The following ADGRG4 variants were observed in gnomAD, a reference collection of about 807,000 sequenced individuals.
ADGRG4 encodes adhesion G protein-coupled receptor G4, also known as G protein-coupled receptor 112.
Under a neutral mutation model 126.2 loss-of-function variants are expected in ADGRG4, and 122 were observed. The ratio of observed to expected loss-of-function variants is 0.97; its 90% CI spans 0.83 to 1.12. The LOEUF (loss-of-function observed/expected upper bound fraction) is 1.12. Among genes scored for constraint, ADGRG4 ranks in the 50% most tolerant of loss-of-function variants. The probability of loss-of-function intolerance (pLI) is 0.00; values close to 1 mark genes in which losing one functional copy is unlikely to be tolerated. For synonymous variants in ADGRG4, 943 were observed against 838.7 expected, an observed-to-expected ratio of 1.12 and a Z score of -2.15; for missense variants, 2,481 against 2,251.8, an observed-to-expected ratio of 1.10 and a Z score of -2.06.
rs370724381 is a variant in ADGRG4, at chrX:136,349,374, G to A, written c.5668G>A (p.Gly1890Ser). 4.4e-5 allele frequency: 53 copies of A among 1,203,655 alleles called. No individual in the cohort carries two copies. The highest frequency in any genetic ancestry group is 5.8e-5 in the Non-Finnish European group (52 of 889,996). ...TTCCTGGAACATACCCACAGCTGAA[G>A]GTTCTCAGTTTCCAATTTCCACCAC... ...MTSWNIPTAE[G>S]SQFPISTTIN... The change falls in exon 6 of 26, where the codon GGT (glycine) becomes AGT (serine). Residue 1890 changes from glycine (G) to serine (S), a missense_variant. Transcript: ENST00000394143.
chrX:136,402,689 A>T (rs2075385597), intron 21 of ADGRG4, among the ~76,000 whole-genome samples: 1 of 111,326 alleles, frequency 9.0e-6, no homozygotes, highest in African/African-American at 3.3e-5. Flanking sequence ...GACCATTTTG[A>T]CTGAACTGAT....
chrX:136,369,519 G>A (rs915879876), intron 13 of ADGRG4, among the ~76,000 whole-genome samples: 5 of 111,867 alleles, frequency 4.5e-5, no homozygotes, highest in African/African-American at 1.3e-4. Context: ...TCTCCCATTG[G>A]CCTGCTGTTT....
intron 5 of ADGRG4, among the ~76,000 whole-genome samples, chrX:136,329,426 G>A (rs2074894833): frequency 8.9e-6 from 1 of 111,768 alleles, no homozygotes; most frequent in East Asian, 2.8e-4. Context: ...AGAGCAAATG[G>A]CAATTAAGCC....
intron 5 of ADGRG4, among the ~76,000 whole-genome samples, chrX:136,334,074 CTCTTTCTTTCTTTCTT>C (rs201233200): frequency 0.051 from 4,515 of 88,860 alleles, 137 homozygotes; most frequent in African/African-American, 0.063. Context: ...GAGGTTCTCT[CTCTTTCTTTCTTTCTT>C]TCTTTCTTTC....
intron 23 of ADGRG4, among the ~76,000 whole-genome samples, chrX:136,411,130 C>T (rs1192624991): frequency 2.7e-5 from 3 of 111,225 alleles, no homozygotes; most frequent in African/African-American, 6.6e-5. Flanking sequence ...GATTCTGACT[C>T]ACTGCAACCT....
At chrX:136,353,857 G>T (rs2075077663) in intron 8 of ADGRG4, among the ~76,000 whole-genome samples, 1 of 112,046 alleles carries the variant, frequency 8.9e-6, no homozygotes, top group African/African-American at 3.2e-5. Context: ...TTTGCTTGGG[G>T]CACAAATTTC....
In ADGRG4 at chrX:136,345,202, A is replaced by G; in HGVS notation, c.1496A>G (p.Lys499Arg). The change falls in exon 6 of 26, where the codon AAA (lysine) becomes AGA (arginine). Residue 499 changes from lysine (K) to arginine (R), a missense_variant. Coordinates refer to ENST00000394143, the MANE Select transcript of ADGRG4 (RefSeq NM_153834.4). ...TAFPLATTDM[K>R]IAFTVHSLTL... is the part of the protein sequence containing the mutation. ...TTTCCATTGGCAACAACTGATATGA[A>G]AATAGCATTTACAGTCCATTCATTG... The G allele has an allele frequency of 3.3e-6, 4 of 1,210,616 alleles. No homozygotes were observed. The highest frequency in any genetic ancestry group is 4.5e-6 in the Non-Finnish European group (4 of 894,482).
At chrX:136,376,555 T>C (rs1265213442) in intron 15 of ADGRG4, among the ~76,000 whole-genome samples, 1 of 112,002 alleles carries the variant, frequency 8.9e-6, no homozygotes, top group African/African-American at 3.2e-5. Flanking sequence ...GTGTCATCTA[T>C]GATTTCTTTC....
intron 13 of ADGRG4, among the ~76,000 whole-genome samples, chrX:136,370,921 G>A (rs2075188921): frequency 9.0e-6 from 1 of 110,639 alleles, no homozygotes; most frequent in African/African-American, 3.3e-5. Context: ...GATGGTTCTT[G>A]ACAGGAAAAT....
At position 136,369,022 on chromosome X, in the gene ADGRG4, T is replaced by C. The variant is rs777955050; in HGVS notation, c.7397-2306T>C. On this transcript the variant is annotated intron_variant, in intron 13 of 25. Transcript: ENST00000394143. ...ACAGCCAACAGCTTCAACTGACCAG[T>C]CAGCATCAATTGCCTGCCATGTGAG... Among the ~76,000 whole-genome samples, 13 of 111,685 alleles carry C rather than the reference T, an allele frequency of 1.2e-4. No individual in the cohort carries two copies. The South Asian group carries it at 4.9e-3, about 42-fold the overall frequency.
intron 5 of ADGRG4, 79 bp downstream of exon 5, chrX:136,323,471 G>T (rs1255994241): frequency 2.2e-6 from 2 of 928,416 alleles, no homozygotes; most frequent in Non-Finnish European, 3.0e-6. Context: ...GCCCCAGGTT[G>T]CTAGTTTTGT....
chrX:136,321,691 TG>T lies in ADGRG4; in HGVS notation c.71-1085del, dbSNP rs774369347. 6.3e-5 allele frequency among the ~76,000 whole-genome samples: 7 copies of T among 111,901 alleles called. No individual in the cohort carries two copies. The East Asian group carries it at 1.7e-3, about 27-fold the overall frequency. On this transcript the variant is annotated intron_variant, in intron 4 of 25. Transcript: ENST00000394143. ...TAGACTGGGGGTGTAAGATTTGTAG[TG>T]GTGATAGTATCATCACTCATCTGCA...
chrX:136,382,865 T>C (rs1010823698), intron 15 of ADGRG4, among the ~76,000 whole-genome samples: 2 of 110,511 alleles, frequency 1.8e-5, no homozygotes, highest in Non-Finnish European at 3.8e-5. Context: ...GTTGTGTCTC[T>C]TGGTGGCAGC....
intron 18 of ADGRG4, among the ~76,000 whole-genome samples, chrX:136,393,990 T>G (rs2075333653): frequency 8.9e-6 from 1 of 111,803 alleles, no homozygotes; most frequent in African/African-American, 3.2e-5. Context: ...AGCCTTGAAC[T>G]GTTTGAAGAA....
At chrX:136,407,093 C>G (rs774825576) in intron 23 of ADGRG4, among the ~76,000 whole-genome samples, 7 of 111,275 alleles carry the variant, frequency 6.3e-5, no homozygotes, top group African/African-American at 2.3e-4. Context: ...TCCATTTGGG[C>G]TACTGGGACA....
At chrX:136,361,133 A>T in intron 11 of ADGRG4, among the ~76,000 whole-genome samples, 1 of 110,393 alleles carries the variant, frequency 9.1e-6, no homozygotes, top group Admixed American at 9.7e-5. Context: ...ACATAGCAAG[A>T]CGCTGTCTGT....
At chrX:136,413,630 C>G (rs915893842) in intron 24 of ADGRG4, among the ~76,000 whole-genome samples, 4 of 112,001 alleles carry the variant, frequency 3.6e-5, no homozygotes, top group African/African-American at 1.3e-4. Flanking sequence ...CTTCCTATAC[C>G]ACACATTACA....
At chrX:136,404,475 A>T (rs893149394) in intron 22 of ADGRG4, among the ~76,000 whole-genome samples, 2 of 112,178 alleles carry the variant, frequency 1.8e-5, no homozygotes, top group Non-Finnish European at 3.8e-5. Context: ...ATTCATGCAC[A>T]TGGAACAAAA....
At chrX:136,415,790 C>T (rs62606002) in intron 25 of ADGRG4, among the ~76,000 whole-genome samples, 2,574 of 111,938 alleles carry the variant, frequency 0.023, 34 homozygotes, top group Non-Finnish European at 0.039. Flanking sequence ...ATTTAATTAG[C>T]AAATATACAG....
Sources: allele counts gnomAD v4.1 joint callset (sites outside exome capture counted in the v4.1 genomes callset), GRCh38; gene constraint gnomAD v4.1.1; transcripts MANE v1.5; gene names NCBI Gene and HGNC (gene_info 2026-07-23, HGNC 2026-07-21).